Variants in ZNF101 observed in about 807,000 individuals in gnomAD.
The protein encoded by ZNF101 is zinc finger protein 101.
Under a neutral mutation model 42.6 loss-of-function variants are expected in ZNF101, and 34 were observed. The ratio of observed to expected loss-of-function variants is 0.80; its 90% CI spans 0.61 to 1.06. The LOEUF (loss-of-function observed/expected upper bound fraction) is 1.06. Ranked by LOEUF, ZNF101 falls within the 50% of genes least tolerant of loss-of-function variation. The pLI is 0.00. For synonymous variants in ZNF101, 158 were observed against 183.9 expected, an observed-to-expected ratio of 0.86 and a Z score of 1.14; for missense variants, 466 against 530.9, an observed-to-expected ratio of 0.88 and a Z score of 1.20.
In ZNF101 at chr19:19,680,965, A is replaced by T. The variant is rs1384210049; in HGVS notation, c.*665A>T. The stretch of plus-strand genomic sequence containing the variant: ...GCCCCATATCTCCAAAGAAAAAAAA[A>T]ATTAACTGGGTGAGGTGGTGCATCC... On this transcript the variant is annotated 3_prime_UTR_variant, in exon 4 of 4. Coordinates refer to ENST00000592502, the MANE Select transcript of ZNF101 (RefSeq NM_033204.4). 1 of 152,074 alleles carries T rather than the reference A, an allele frequency of 6.6e-6. No homozygotes were observed. Among genetic ancestry groups the T allele is most frequent in the Admixed American group, 6.6e-5 (1 of 15,226 alleles). The allele number at this position is 152,074 out of a possible 1,614,324, so 9.4% of individuals were successfully genotyped here. A position where few individuals can be genotyped will look rare whatever the true frequency, so the allele number is the denominator to read the frequency against.
Position 19,680,525 on chromosome 19 carries a change from A to G in ZNF101, c.*225A>G. 3.7e-6 allele frequency: 1 copy of G among 272,458 alleles called. No individual in the cohort carries two copies. The allele number at this position is 272,458 out of a possible 1,614,324, so 16.9% of individuals were successfully genotyped here. On this transcript the variant is annotated 3_prime_UTR_variant, in exon 4 of 4. Transcript: ENST00000592502. Reference sequence around the variant, plus strand: ...TCTCAGCTACTCGGGAGGCCGAGGCAGGAGAATCGCTTGAACCTGGGAGGT... The same window carrying G: ...TCTCAGCTACTCGGGAGGCCGAGGCGGGAGAATCGCTTGAACCTGGGAGGT...
chr19:19,682,196 T>G lies in ZNF101; in HGVS notation c.*1896T>G, dbSNP rs575100784. The G allele has an allele frequency of 1.3e-5, 2 of 151,682 alleles. No individual in the cohort carries two copies. Among genetic ancestry groups the G allele is most frequent in the East Asian group, 3.9e-4 (2 of 5,160 alleles). The allele number at this position is 151,682 out of a possible 1,614,324, so 9.4% of individuals were successfully genotyped here. A position where few individuals can be genotyped will look rare whatever the true frequency, so the allele number is the denominator to read the frequency against. ...CCTTGGCCTCCCAAAGTGCTGAGAT[T>G]ACAGGTGTGAGCCACCGCGCCTGGC... On this transcript the variant is annotated 3_prime_UTR_variant, in exon 4 of 4. Coordinates refer to ENST00000592502, the MANE Select transcript of ZNF101 (RefSeq NM_033204.4).
At chr19:19,669,616 C>G (rs1169754424) in intron 1 of ZNF101, among the ~76,000 whole-genome samples, 1 of 152,116 alleles carries the variant, frequency 6.6e-6, no homozygotes, top group African/African-American at 2.4e-5. Context: ...GCCTCAGCCT[C>G]CTGAGTAGCT....
At position 19,679,308 on chromosome 19, in the gene ZNF101, T is replaced by G; in HGVS notation, c.319T>G (p.Cys107Gly). 1 of 1,614,148 alleles carries G rather than the reference T, an allele frequency of 6.2e-7. No individual in the cohort carries two copies. Among genetic ancestry groups the G allele is most frequent in the Non-Finnish European group, 8.5e-7 (1 of 1,180,030 alleles). ...AGTGAAACCATGCAAATGCAGCGTGTGTGGGAAAGTCTTCCTCCGTCATTC... is the reference window on the plus strand; with the variant it reads ...AGTGAAACCATGCAAATGCAGCGTGGGTGGGAAAGTCTTCCTCCGTCATTC... ...TGVKPCKCSV[C>G]GKVFLRHSFL... Residue 107 changes from cysteine to glycine, a missense_variant, in exon 4 of 4, where the codon TGT (cysteine) becomes GGT (glycine). By Grantham distance (159) the Cys-to-Gly change is radical. Coordinates refer to ENST00000592502, the MANE Select transcript of ZNF101 (RefSeq NM_033204.4).
chr19:19,671,198 G>GT (rs1335608671), intron 1 of ZNF101, among the ~76,000 whole-genome samples: 2 of 152,210 alleles, frequency 1.3e-5, no homozygotes, highest in Non-Finnish European at 2.9e-5. Flanking sequence ...TCCTTTGCAG[G>GT]TTGGGGAATT....
chr19:19,675,035 T>G (rs1192590632), intron 1 of ZNF101, among the ~76,000 whole-genome samples: 1 of 152,062 alleles, frequency 6.6e-6, no homozygotes, highest in African/African-American at 2.4e-5. Context: ...TTAGCCAGGA[T>G]GGTCTCAATT....
At chr19:19,678,085 G>T in intron 2 of ZNF101, 95 bp downstream of exon 2, 2 of 1,542,416 alleles carry the variant, frequency 1.3e-6, no homozygotes, top group South Asian at 2.2e-5. Context: ...AAGAGAATAC[G>T]TTGGTGAATA....
chr19:19,677,829 C>T (rs190290939), intron 1 of ZNF101, 35 bp from the exon 2 acceptor site: 716 of 1,602,456 alleles, frequency 4.5e-4, no homozygotes, highest in Non-Finnish European at 5.7e-4. Flanking sequence ...TGCTGAGTCT[C>T]ACCCCTCCTC....
intron 1 of ZNF101, among the ~76,000 whole-genome samples, chr19:19,673,390 C>T (rs938349339): frequency 2.0e-5 from 3 of 151,348 alleles, no homozygotes; most frequent in African/African-American, 4.9e-5. Context: ...GCTGGGATTA[C>T]AGGCACGTGC....
At position 19,679,361 on chromosome 19, in the gene ZNF101, T is replaced by A; in HGVS notation, c.372T>A (p.His124Gln). Residue 124 changes from histidine to glutamine, a missense_variant, in exon 4 of 4, where the codon CAT becomes CAA. Physicochemically the swap from His to Gln is conservative, Grantham distance 24. Coordinates refer to ENST00000592502, the MANE Select transcript of ZNF101 (RefSeq NM_033204.4). ...HSFLDRHMRA[H>Q]AGHKRSECGG... ...TCCTGGACAGGCACATGAGAGCTCATGCTGGACACAAACGATCTGAGTGTG... is the reference window on the plus strand; with the variant it reads ...TCCTGGACAGGCACATGAGAGCTCAAGCTGGACACAAACGATCTGAGTGTG... 9 of 1,614,074 alleles carry A rather than the reference T, an allele frequency of 5.6e-6. No homozygotes were observed. Among genetic ancestry groups the A allele is most frequent in the Non-Finnish European group, 7.6e-6 (9 of 1,180,016 alleles).
In ZNF101 at chr19:19,671,779, G is replaced by A. The variant is rs185432359; in HGVS notation, c.3+2813G>A. 3.6e-3 allele frequency among the ~76,000 whole-genome samples: 553 copies of A among 152,250 alleles called. 2 individuals carry two copies. The highest frequency in any genetic ancestry group is 0.013 in the African/African-American group (537 of 41,554). ...CTCCCAAAGTGCTGGGATTACAGGC[G>A]TGAGCCCCCGTGCCCGGCAGATATT... On this transcript the variant is annotated intron_variant, in intron 1 of 3. Coordinates refer to ENST00000592502, the MANE Select transcript of ZNF101 (RefSeq NM_033204.4).
rs1456485776 is a variant in ZNF101 at position 19,680,919 on chromosome 19, AAAAC to A, written c.*627_*630del. 4.6e-5 allele frequency: 7 copies of A among 152,350 alleles called. No individual in the cohort carries two copies. Among genetic ancestry groups the A allele is most frequent in the African/African-American group, 1.2e-4 (5 of 41,528 alleles). The allele number at this position is 152,350 out of a possible 1,614,324, so 9.4% of individuals were successfully genotyped here. A position where few individuals can be genotyped will look rare whatever the true frequency, so the allele number is the denominator to read the frequency against. On this transcript the variant is annotated 3_prime_UTR_variant, in exon 4 of 4. Transcript: ENST00000592502. ...TGGTGACAGAGCGAGACTTCGTCTCAAAACAAACAAAAAAAAGAAGGCCCCATAT... is the reference window on the plus strand; with the variant it reads ...TGGTGACAGAGCGAGACTTCGTCTCAAAACAAAAAAAAGAAGGCCCCATAT...
At chr19:19,678,260 A>G (rs2062215191) in intron 2 of ZNF101, among the ~76,000 whole-genome samples, 1 of 150,748 alleles carries the variant, frequency 6.6e-6, no homozygotes, top group Non-Finnish European at 1.5e-5. Flanking sequence ...GGGGTGGGCA[A>G]TTGTGGCAGC....
At chr19:19,672,055 C>T (rs2062173542) in intron 1 of ZNF101, among the ~76,000 whole-genome samples, 1 of 141,452 alleles carries the variant, frequency 7.1e-6, no homozygotes. Flanking sequence ...AGACCCCCAT[C>T]TTAAAAAATG....
At chr19:19,668,255 C>T (rs1008415143), upstream of ZNF101, among the ~76,000 whole-genome samples, 1 of 152,104 alleles carries the variant, frequency 6.6e-6, no homozygotes, top group East Asian at 1.9e-4. Flanking sequence ...TTAGAGGAGG[C>T]AGCCCCGCTT....
chr19:19,669,233 G>A (rs1457082857), intron 1 of ZNF101, among the ~76,000 whole-genome samples: 3 of 152,208 alleles, frequency 2.0e-5, no homozygotes, highest in Non-Finnish European at 2.9e-5. Context: ...GGCCTCAGGA[G>A]GGTCTTAGGG....
intron 1 of ZNF101, among the ~76,000 whole-genome samples, chr19:19,675,955 C>T (rs1256261746): frequency 6.6e-6 from 1 of 152,104 alleles, no homozygotes; most frequent in Non-Finnish European, 1.5e-5. Context: ...ATGATTGTAC[C>T]ACTGCACTCT....
intron 1 of ZNF101, among the ~76,000 whole-genome samples, chr19:19,675,022 G>A (rs2062193564): frequency 2.0e-5 from 3 of 151,868 alleles, no homozygotes; most frequent in Admixed American, 6.6e-5. Context: ...GGGTTTCACC[G>A]TGTTAGCCAG....
At position 19,679,489 on chromosome 19, in the gene ZNF101, G is replaced by C. The variant is rs377049955; in HGVS notation, c.500G>C (p.Arg167Thr). The change falls in exon 4 of 4, where the codon AGA (arginine) becomes ACA (threonine). Residue 167 changes from arginine to threonine, a missense_variant. By Grantham distance (71) the Arg-to-Thr change is moderately conservative. Transcript: ENST00000592502. ...ARRTVTPTRK[R>T]PYECKVCGKA... is the part of the protein sequence containing the mutation. The stretch of plus-strand genomic sequence containing the variant: ...CGCACAGTAACACCAACTCGAAAGA[G>C]ACCTTATGAATGCAAGGTGTGCGGG... 153 of 1,614,126 alleles carry C rather than the reference G, an allele frequency of 9.5e-5. No homozygotes were observed. Among genetic ancestry groups the C allele is most frequent in the Non-Finnish European group, 1.2e-4 (140 of 1,180,038 alleles).
Sources: allele counts gnomAD v4.1 joint callset (sites outside exome capture counted in the v4.1 genomes callset), GRCh38; gene constraint gnomAD v4.1.1; transcripts MANE v1.5; gene names NCBI Gene and HGNC (gene_info 2026-07-23, HGNC 2026-07-21).